The following FAM110D variants were observed in gnomAD, a reference collection of about 807,000 sequenced individuals.
The protein encoded by FAM110D is family with sequence similarity 110 member D.
For missense variants in FAM110D, 376 were observed against 395.6 expected (o/e 0.95, Z 0.42); for synonymous variants, 174 against 189.4 (o/e 0.92, Z 0.67).
At chr1:26,159,784 G>T (rs1043791746) in intron 1 of FAM110D, among the ~76,000 whole-genome samples, 1 of 152,046 alleles carries the variant, frequency 6.6e-6, no homozygotes, top group Non-Finnish European at 1.5e-5. Context: ...GAAGATAGGG[G>T]TGGGGTCGGG....
In FAM110D at chr1:26,161,762, G is replaced by T; in HGVS notation, c.471G>T (p.Leu157=). The change falls in exon 2 of 2, where the codon CTG becomes CTT. Residue 157 remains leucine (L), a synonymous_variant. Transcript: ENST00000374268. The surrounding 1 kb of genome is among the most constrained non-coding windows in gnomAD (Gnocchi z 5.4). ...GKRALCPTCS[L]PLSEKERFFN... is the part of the protein sequence containing the mutation. Reference sequence around the variant, plus strand: ...GGGCGCTGTGTCCCACGTGCTCGCTGCCCCTGTCGGAGAAGGAGCGCTTCT... The same window carrying T: ...GGGCGCTGTGTCCCACGTGCTCGCTTCCCCTGTCGGAGAAGGAGCGCTTCT... 1 of 1,549,904 alleles carries T rather than the reference G, an allele frequency of 6.5e-7. No homozygotes were observed. The highest frequency in any genetic ancestry group is 1.4e-5 in the African/African-American group (1 of 73,260).
At position 26,161,902 on chromosome 1, in the gene FAM110D, G is replaced by A. The variant is rs1346490288; in HGVS notation, c.611G>A (p.Gly204Asp). 3.5e-6 allele frequency: 5 copies of A among 1,432,422 alleles called. No homozygotes were observed. Among genetic ancestry groups the A allele is most frequent in the Non-Finnish European group, 3.6e-6 (4 of 1,100,046 alleles). The allele number at this position is 1,432,422 out of a possible 1,614,324, so 88.7% of individuals were successfully genotyped here. A position where few individuals can be genotyped will look rare whatever the true frequency, so the allele number is the denominator to read the frequency against. ...CAGGCCGGAACTTCGCCGCCGCCCG[G>A]CTCCGGGGACGCCAGCGACTGGACA... is the stretch of plus-strand genomic sequence containing the variant. Reference protein sequence around the residue: ...SPQAGTSPPPGSGDASDWTSS... With the variant: ...SPQAGTSPPPDSGDASDWTSS... The change falls in exon 2 of 2, where the codon GGC becomes GAC. Residue 204 changes from glycine to aspartate, a missense_variant. Transcript: ENST00000374268. The surrounding 1 kb of genome is among the most constrained non-coding windows in gnomAD (Gnocchi z 5.4).
At chr1:26,160,243 G>A (rs1405610100) in intron 1 of FAM110D, among the ~76,000 whole-genome samples, 1 of 151,980 alleles carries the variant, frequency 6.6e-6, no homozygotes. Context: ...ACAGGTGTGC[G>A]CCACCCCGCC....
chr1:26,161,099 C>A lies in FAM110D; in HGVS notation c.-80-113C>A. ...GAGCCTCTGCTCCCTGGATGTGGCA[C>A]CGGCTAACCTGGATGGGAGAGGGTG... On this transcript the variant is annotated intron_variant, in intron 1 of 1. Coordinates refer to ENST00000374268, the MANE Select transcript of FAM110D (RefSeq NM_024869.3). The surrounding 1 kb of genome is among the most constrained non-coding windows in gnomAD (Gnocchi z 5.4). The A allele has an allele frequency of 1.8e-6, 1 of 569,936 alleles. No individual in the cohort carries two copies. The highest frequency in any genetic ancestry group is 3.0e-5 in the East Asian group (1 of 33,468). 35.3% of individuals were successfully genotyped at this position (569,936 alleles called of 1,614,324 possible). A position where few individuals can be genotyped will look rare whatever the true frequency, so the allele number is the denominator to read the frequency against.
chr1:26,160,530 A>G (rs1243469765), intron 1 of FAM110D, among the ~76,000 whole-genome samples: 2 of 152,080 alleles, frequency 1.3e-5, no homozygotes, highest in African/African-American at 2.4e-5. Flanking sequence ...CTAACTCTCA[A>G]TAGGACCTGA....
chr1:26,159,294 A>T (rs1328643288), intron 1 of FAM110D, among the ~76,000 whole-genome samples, 168 bp downstream of exon 1: 1 of 152,184 alleles, frequency 6.6e-6, no homozygotes, highest in Admixed American at 6.5e-5. Context: ...CAGGCAAAGG[A>T]ATGGAGGGCC....
In FAM110D at chr1:26,161,247, G is replaced by C. The variant is rs755109322; in HGVS notation, c.-45G>C. The C allele has an allele frequency of 1.2e-5, 17 of 1,475,308 alleles. No homozygotes were observed. In the African/African-American group the frequency reaches 2.3e-4, roughly 20 times the overall value. 91.4% of individuals were successfully genotyped at this position (1,475,308 alleles called of 1,614,324 possible). On this transcript the variant is annotated 5_prime_UTR_variant, in exon 2 of 2. Transcript: ENST00000374268. This position sits in a 1 kb window ranked among gnomAD's most constrained non-coding sequence, Gnocchi z 5.4. ...GCCCAAGCCAATTGCTCTAGGCCCCGTGGCTGGCTACTTATGGGGCACTGT... is the reference window on the plus strand; with the variant it reads ...GCCCAAGCCAATTGCTCTAGGCCCCCTGGCTGGCTACTTATGGGGCACTGT...
At position 26,162,356 on chromosome 1, in the gene FAM110D, C is replaced by G. The variant is rs1329083698; in HGVS notation, c.*249C>G. The G allele has an allele frequency of 2.9e-6, 1 of 349,392 alleles. No individual in the cohort carries two copies. Among genetic ancestry groups the G allele is most frequent in the Non-Finnish European group, 5.4e-6 (1 of 185,722 alleles). The allele number at this position is 349,392 out of a possible 1,614,324, so 21.6% of individuals were successfully genotyped here. A position where few individuals can be genotyped will look rare whatever the true frequency, so the allele number is the denominator to read the frequency against. ...AGTCACGATTGGGGTGGGAGATGAG[C>G]AAACCTGCTGAATAAAGTTAAAACG... On this transcript the variant is annotated 3_prime_UTR_variant, in exon 2 of 2. Transcript: ENST00000374268. The surrounding 1 kb of genome is among the most constrained non-coding windows in gnomAD (Gnocchi z 5.3).
Position 26,161,135 on chromosome 1 carries a change from C to A in FAM110D, c.-80-77C>A. On this transcript the variant is annotated intron_variant, in intron 1 of 1. Transcript: ENST00000374268. This position sits in a 1 kb window ranked among gnomAD's most constrained non-coding sequence, Gnocchi z 5.4. Reference sequence around the variant, plus strand: ...GGATGGGAGAGGGTGGCTGACTGATCCTATACTGAGGAATGCCGGCAGGAG... The same window carrying A: ...GGATGGGAGAGGGTGGCTGACTGATACTATACTGAGGAATGCCGGCAGGAG... The A allele has an allele frequency of 2.7e-6, 2 of 754,328 alleles. No homozygotes were observed. Among genetic ancestry groups the A allele is most frequent in the Non-Finnish European group, 4.2e-6 (2 of 473,338 alleles). The allele number at this position is 754,328 out of a possible 1,614,324, so 46.7% of individuals were successfully genotyped here.
chr1:26,161,498 G>C lies in FAM110D; in HGVS notation c.207G>C (p.Pro69=). 6.4e-7 allele frequency: 1 copy of C among 1,552,850 alleles called. No homozygotes were observed. Among genetic ancestry groups the C allele is most frequent in the South Asian group, 1.2e-5 (1 of 84,316 alleles). Residue 69 remains proline, a synonymous_variant, in exon 2 of 2, where the codon CCG becomes CCC. Coordinates refer to ENST00000374268, the MANE Select transcript of FAM110D (RefSeq NM_024869.3). The surrounding 1 kb of genome is among the most constrained non-coding windows in gnomAD (Gnocchi z 5.4). ...GPPASPRTPR[P]VRRGSGRRLP... ...CTGCATCGCCCAGGACGCCCAGGCC[G>C]GTCCGCCGGGGAAGCGGCAGGCGGC...
Position 26,161,079 on chromosome 1 carries a change from T to C in FAM110D, c.-80-133T>C, listed in dbSNP as rs1375395590. 5.5e-6 allele frequency: 3 copies of C among 540,720 alleles called. No individual in the cohort carries two copies. The highest frequency in any genetic ancestry group is 9.8e-6 in the Non-Finnish European group (3 of 306,628). The allele number at this position is 540,720 out of a possible 1,614,324, so 33.5% of individuals were successfully genotyped here. ...ACAGGGAAAGGGGATGGCCTGAGCC[T>C]CTGCTCCCTGGATGTGGCACCGGCT... On this transcript the variant is annotated intron_variant, in intron 1 of 1. Coordinates refer to ENST00000374268, the MANE Select transcript of FAM110D (RefSeq NM_024869.3). The surrounding 1 kb of genome is among the most constrained non-coding windows in gnomAD (Gnocchi z 5.4).
At position 26,161,413 on chromosome 1, in the gene FAM110D, C is replaced by T. The variant is rs756128611; in HGVS notation, c.122C>T (p.Pro41Leu). Residue 41 changes from proline to leucine, a missense_variant, in exon 2 of 2, where the codon CCA (proline) becomes CTA (leucine). Pro to Leu is a moderately conservative substitution (Grantham distance 98). Transcript: ENST00000374268. This position sits in a 1 kb window ranked among gnomAD's most constrained non-coding sequence, Gnocchi z 5.4. Reference sequence around the variant, plus strand: ...CAGGTGATAGCTAGGCGACAGGAGCCAGCCCTGCGTGGGAGTCCTGGGCCG... The same window carrying T: ...CAGGTGATAGCTAGGCGACAGGAGCTAGCCCTGCGTGGGAGTCCTGGGCCG... ...THQVIARRQEPALRGSPGPLT... is the reference protein window; with the variant it reads ...THQVIARRQELALRGSPGPLT... 2.5e-6 allele frequency: 4 copies of T among 1,595,500 alleles called. No individual in the cohort carries two copies. Among genetic ancestry groups the T allele is most frequent in the Non-Finnish European group, 3.4e-6 (4 of 1,171,426 alleles).
intron 1 of FAM110D, among the ~76,000 whole-genome samples, chr1:26,160,531 T>C (rs1305197920): frequency 1.3e-5 from 2 of 151,818 alleles, no homozygotes; most frequent in African/African-American, 4.8e-5. Context: ...TAACTCTCAA[T>C]AGGACCTGAG....
Position 26,161,652 on chromosome 1 carries a change from C to A in FAM110D, c.361C>A (p.Pro121Thr), listed in dbSNP as rs1020486716. The A allele has an allele frequency of 1.3e-6, 2 of 1,552,234 alleles. No individual in the cohort carries two copies. The highest frequency in any genetic ancestry group is 1.7e-6 in the Non-Finnish European group (2 of 1,148,344). ...TCTGGGTGCCCCGCGGGACGCTGCC[C>A]CGAGCAGCCCGGCCTCCACAGAGCG... ...LFLGAPRDAA[P>T]SSPASTERPA... Residue 121 changes from proline (P) to threonine (T), a missense_variant, in exon 2 of 2, where the codon CCG (proline) becomes ACG (threonine). Coordinates refer to ENST00000374268, the MANE Select transcript of FAM110D (RefSeq NM_024869.3). This position sits in a 1 kb window ranked among gnomAD's most constrained non-coding sequence, Gnocchi z 5.4.
chr1:26,161,514 G>T lies in FAM110D; in HGVS notation c.223G>T (p.Gly75Cys). The part of the protein sequence containing the change: ...RTPRPVRRGS[G>C]RRLPRPDSLI... ...GCCCAGGCCGGTCCGCCGGGGAAGCGGCAGGCGGCTGCCGAGGCCTGATTC... is the reference window on the plus strand; with the variant it reads ...GCCCAGGCCGGTCCGCCGGGGAAGCTGCAGGCGGCTGCCGAGGCCTGATTC... Residue 75 changes from glycine to cysteine, a missense_variant, in exon 2 of 2, where the codon GGC (glycine) becomes TGC (cysteine). Transcript: ENST00000374268. This position sits in a 1 kb window ranked among gnomAD's most constrained non-coding sequence, Gnocchi z 5.4. 1.3e-6 allele frequency: 2 copies of T among 1,551,514 alleles called. No homozygotes were observed. The highest frequency in any genetic ancestry group is 1.7e-6 in the Non-Finnish European group (2 of 1,147,574).
At chr1:26,159,283 G>A (rs1329568371) in intron 1 of FAM110D, among the ~76,000 whole-genome samples, 157 bp downstream of exon 1, 5 of 152,228 alleles carry the variant, frequency 3.3e-5, no homozygotes, top group Non-Finnish European at 7.3e-5. Flanking sequence ...CTGGGAGAAG[G>A]CAGGCAAAGG....
In FAM110D at chr1:26,161,940, G is replaced by T; in HGVS notation, c.649G>T (p.Gly217Cys). ...DASDWTSSDR[G>C]VDSPGGAGGG... ...CAGCGACTGGACATCCAGCGACAGGGGCGTGGACAGCCCGGGCGGCGCGGG... is the reference window on the plus strand; with the variant it reads ...CAGCGACTGGACATCCAGCGACAGGTGCGTGGACAGCCCGGGCGGCGCGGG... Residue 217 changes from glycine (G) to cysteine (C), a missense_variant, in exon 2 of 2, where the codon GGC (glycine) becomes TGC (cysteine). Coordinates refer to ENST00000374268, the MANE Select transcript of FAM110D (RefSeq NM_024869.3). This position sits in a 1 kb window ranked among gnomAD's most constrained non-coding sequence, Gnocchi z 5.4. 7.7e-7 allele frequency: 1 copy of T among 1,301,922 alleles called. No homozygotes were observed. Among genetic ancestry groups the T allele is most frequent in the Non-Finnish European group, 9.7e-7 (1 of 1,031,364 alleles). The allele number at this position is 1,301,922 out of a possible 1,614,324, so 80.6% of individuals were successfully genotyped here. A position where few individuals can be genotyped will look rare whatever the true frequency, so the allele number is the denominator to read the frequency against.
At chr1:26,160,519 C>T (rs1367160523) in intron 1 of FAM110D, among the ~76,000 whole-genome samples, 9 of 152,200 alleles carry the variant, frequency 5.9e-5, no homozygotes, top group Admixed American at 5.9e-4. Context: ...AGTCCTGGCT[C>T]CTAACTCTCA....
chr1:26,160,034 A>G (rs1428468453), intron 1 of FAM110D, among the ~76,000 whole-genome samples: 6 of 152,008 alleles, frequency 3.9e-5, no homozygotes, highest in Non-Finnish European at 8.8e-5. Flanking sequence ...TTCTAACGGA[A>G]ATTGCTTGGT....
Sources: gnomAD v4.1 joint callset for allele counts (sites outside exome capture counted in the v4.1 genomes callset) on GRCh38, gnomAD v4.1.1 for gene constraint, Gnocchi (gnomAD v3.1) non-coding constraint, MANE v1.5 for transcripts, NCBI Gene and HGNC (gene_info 2026-07-23, HGNC 2026-07-21) for gene names.